SEMA4B: variants seen among roughly 807,000 people sequenced by gnomAD.
SEMA4B encodes semaphorin 4B, also known as semaphorin-4B.
Under a neutral mutation model 88.1 loss-of-function variants are expected in SEMA4B, and 55 were observed. That is an observed-to-expected ratio of 0.62 (90% CI 0.50 to 0.78). SEMA4B has a LOEUF of 0.78. Ranked by LOEUF, SEMA4B falls within the 30% of genes least tolerant of loss-of-function variation. The pLI is 0.00. For missense variants in SEMA4B, 1,062 were observed against 1,111.9 expected, an observed-to-expected ratio of 0.96 and a Z score of 0.64; for synonymous variants, 525 against 473.6, an observed-to-expected ratio of 1.11 and a Z score of -1.41.
In SEMA4B at chr15:90,212,637, AC is replaced by A. The variant is rs1344468042; in HGVS notation, c.158-4800del. Among the ~76,000 whole-genome samples the A allele has an allele frequency of 1.7e-5, 2 of 118,342 alleles. No homozygotes were observed. Among genetic ancestry groups the A allele is most frequent in the Non-Finnish European group, 1.8e-5 (1 of 55,924 alleles). 77.6% of individuals were successfully genotyped at this position (118,342 alleles called of 152,430 possible). On this transcript the variant is annotated intron_variant, in intron 1 of 13. Transcript: ENST00000411539. The surrounding 1 kb of genome is among the most constrained non-coding windows in gnomAD (Gnocchi z 4.0). ...CGCAAGCGTGGACAAGCCCTGCGGT[AC>A]CGTGTACACACACACACACACACAC...
At chr15:90,196,527 G>A (rs990226827), upstream of SEMA4B, among the ~76,000 whole-genome samples, 2 of 151,796 alleles carry the variant, frequency 1.3e-5, no homozygotes, top group African/African-American at 4.8e-5. Flanking sequence ...CTCGCTGTCG[G>A]TCAGGCTGGA....
chr15:90,186,360 C>G (rs1019776598), intron 1 of SEMA4B, among the ~76,000 whole-genome samples: 2 of 152,082 alleles, frequency 1.3e-5, no homozygotes, highest in Non-Finnish European at 2.9e-5. Context: ...TGGCTCACGC[C>G]TGTAATCCCA....
At chr15:90,198,533 G>A (rs2151589905), upstream of SEMA4B, among the ~76,000 whole-genome samples, 1 of 152,266 alleles carries the variant, frequency 6.6e-6, no homozygotes, top group Middle Eastern at 3.4e-3. Flanking sequence ...ATATCTCAAG[G>A]TATTTTTAAG....
At chr15:90,192,411 C>T (rs1219535777) in intron 1 of SEMA4B, among the ~76,000 whole-genome samples, 1 of 152,200 alleles carries the variant, frequency 6.6e-6, no homozygotes, top group East Asian at 1.9e-4. Flanking sequence ...AGGCTGTACC[C>T]ATGGATGATT....
At position 90,217,763 on chromosome 15, in the gene SEMA4B, C is replaced by G. The variant is rs762764852; in HGVS notation, c.322-4C>G. The G allele has an allele frequency of 6.2e-7, 1 of 1,613,392 alleles. No homozygotes were observed. The highest frequency in any genetic ancestry group is 1.1e-5 in the South Asian group (1 of 90,974). On this transcript the variant is annotated splice_polypyrimidine_tract_variant and splice_region_variant and intron_variant, in intron 2 of 13. Transcript: ENST00000411539. Reference sequence around the variant, plus strand: ...CCACTACCTTCCCCTTTCTCATTCCCCAGCTGCTTTGGGGTGCAGACGCAG... The same window carrying G: ...CCACTACCTTCCCCTTTCTCATTCCGCAGCTGCTTTGGGGTGCAGACGCAG...
Position 90,228,656 on chromosome 15 carries a change from A to G in SEMA4B, c.*13A>G. 3 of 1,612,900 alleles carry G rather than the reference A, an allele frequency of 1.9e-6. No individual in the cohort carries two copies. The highest frequency in any genetic ancestry group is 1.1e-5 in the South Asian group (1 of 91,084). On this transcript the variant is annotated 3_prime_UTR_variant, in exon 14 of 14. Coordinates refer to ENST00000411539, the MANE Select transcript of SEMA4B (RefSeq NM_198925.4). ...CTCTGTGGTGTGAGAGCTGACTTCC[A>G]GAGGACGCTGCCCTGGCTTCAGGGG...
chr15:90,224,786 A>G (rs1393005288), intron 9 of SEMA4B, among the ~76,000 whole-genome samples, 182 bp from the exon 10 acceptor site: 1 of 152,036 alleles, frequency 6.6e-6, no homozygotes, highest in Non-Finnish European at 1.5e-5. Flanking sequence ...GTTTCCCCGC[A>G]CCCTGGGCTT....
upstream of SEMA4B, among the ~76,000 whole-genome samples, chr15:90,197,733 G>A (rs1042047220): frequency 6.6e-6 from 1 of 151,272 alleles, no homozygotes. Flanking sequence ...CACCATGCCC[G>A]GCCCTGCTCA....
At position 90,224,560 on chromosome 15, in the gene SEMA4B, G is replaced by C. The variant is rs974724353; in HGVS notation, c.1195-408G>C. Among the ~76,000 whole-genome samples the C allele has an allele frequency of 7.9e-5, 12 of 152,340 alleles. No homozygotes were observed. In the East Asian group the frequency reaches 2.1e-3, roughly 27 times the overall value. ...CCTGCTGGAGCCCCTGACAGATGGT[G>C]TGGAGCACCTCTCAGAATTTCAGGA... On this transcript the variant is annotated intron_variant, in intron 9 of 13. Transcript: ENST00000411539.
At chr15:90,213,034 C>T (rs779374453) in intron 1 of SEMA4B, among the ~76,000 whole-genome samples, 17 of 152,222 alleles carry the variant, frequency 1.1e-4, no homozygotes, top group South Asian at 4.2e-4. Context: ...GTGTTGGTCG[C>T]GTGCCAGACA....
At chr15:90,219,733 G>A (rs546448726) in intron 3 of SEMA4B, 60 bp from the exon 4 acceptor site, 5 of 1,338,044 alleles carry the variant, frequency 3.7e-6, no homozygotes, top group East Asian at 2.3e-5. Context: ...GGGGCTCGGC[G>A]GTGCCCCCTG....
chr15:90,185,998 A>G (rs1960155293), intron 1 of SEMA4B, among the ~76,000 whole-genome samples: 1 of 128,668 alleles, frequency 7.8e-6, no homozygotes, highest in Admixed American at 1.0e-4. Context: ...CAGTAGCGCG[A>G]TCTTGGCTCA....
In SEMA4B at chr15:90,213,052, A is replaced by G. The variant is rs78838039; in HGVS notation, c.158-4387A>G. On this transcript the variant is annotated intron_variant, in intron 1 of 13. Coordinates refer to ENST00000411539, the MANE Select transcript of SEMA4B (RefSeq NM_198925.4). ...TTGGTCGCGTGCCAGACACCATGCC[A>G]CACTGCAAACCATGTGCAACGTTGT... is the stretch of plus-strand genomic sequence containing the variant. Among the ~76,000 whole-genome samples the G allele has an allele frequency of 2.0e-5, 3 of 152,326 alleles. No individual in the cohort carries two copies. The East Asian group carries it at 5.8e-4, about 29-fold the overall frequency.
intron 1 of SEMA4B, among the ~76,000 whole-genome samples, chr15:90,211,312 G>A (rs1158875633): frequency 6.6e-6 from 1 of 152,224 alleles, no homozygotes; most frequent in Non-Finnish European, 1.5e-5. Context: ...CCCACTTGGG[G>A]CTGTAGCAAT....
chr15:90,223,843 G>A lies in SEMA4B; in HGVS notation c.1049G>A (p.Arg350Lys), dbSNP rs753012668. Residue 350 changes from arginine to lysine, a missense_variant, in exon 9 of 14, where the codon AGG (arginine) becomes AAG (lysine). Physicochemically the swap from Arg to Lys is conservative, Grantham distance 26. Coordinates refer to ENST00000411539, the MANE Select transcript of SEMA4B (RefSeq NM_198925.4). ...FYGVFTSQWHRGTTEGSAVCV... is the reference protein window; with the variant it reads ...FYGVFTSQWHKGTTEGSAVCV... ...TCTGGTTATTTCCTCTGCAGGCACA[G>A]GGGAACTACAGAAGGCTCTGCCGTC... 3.1e-6 allele frequency: 5 copies of A among 1,613,924 alleles called. No individual in the cohort carries two copies. Among genetic ancestry groups the A allele is most frequent in the East Asian group, 2.2e-5 (1 of 44,872 alleles).
upstream of SEMA4B, among the ~76,000 whole-genome samples, chr15:90,197,155 G>C (rs1567043632): frequency 2.0e-5 from 3 of 152,104 alleles, no homozygotes; most frequent in Admixed American, 6.5e-5. Flanking sequence ...GGGAGGCCGA[G>C]GTGGGCAGAT....
intron 3 of SEMA4B, among the ~76,000 whole-genome samples, chr15:90,218,776 A>C (rs554741405): frequency 6.6e-6 from 1 of 152,344 alleles, no homozygotes; most frequent in South Asian, 2.1e-4. Flanking sequence ...AGATCTCGCC[A>C]CTGCACTCCA....
chr15:90,197,182 T>G (rs61450974), upstream of SEMA4B, among the ~76,000 whole-genome samples: 2 of 151,906 alleles, frequency 1.3e-5, no homozygotes, highest in Admixed American at 1.3e-4. Context: ...AGTCCAGGAG[T>G]TTGAGACCAG....
intron 1 of SEMA4B, among the ~76,000 whole-genome samples, chr15:90,208,934 G>T (rs1159896915): frequency 6.6e-6 from 1 of 151,932 alleles, no homozygotes; most frequent in Admixed American, 6.6e-5. Flanking sequence ...TAGAGACAGG[G>T]TTTCATCATG....
Sources: allele counts gnomAD v4.1 joint callset (sites outside exome capture counted in the v4.1 genomes callset), GRCh38; gene constraint gnomAD v4.1.1; non-coding constraint Gnocchi (gnomAD v3.1); transcripts MANE v1.5; gene names NCBI Gene and HGNC (gene_info 2026-07-23, HGNC 2026-07-21).